CSNK1A1: variants seen among roughly 807,000 people sequenced by gnomAD.
CSNK1A1 encodes the protein casein kinase I isoform alpha.
In CSNK1A1, 7 loss-of-function variants were observed where a neutral mutation model predicts 46.1. That is an observed-to-expected ratio of 0.15 (90% confidence interval 0.09 to 0.29). CSNK1A1 has a LOEUF of 0.29. Ranked by LOEUF, CSNK1A1 falls within the 10% of genes least tolerant of loss-of-function variation. The pLI, the probability that CSNK1A1 is intolerant of heterozygous loss-of-function variation, is 1.00. For missense variants in CSNK1A1, 96 were observed against 417.1 expected, an observed-to-expected ratio of 0.23 and a Z score of 6.71; for synonymous variants, 137 against 141.5, an observed-to-expected ratio of 0.97 and a Z score of 0.23.
intron 2 of CSNK1A1, among the ~76,000 whole-genome samples, chr5:149,539,913 C>T (rs1286189467): frequency 2.0e-5 from 3 of 151,958 alleles, no homozygotes; most frequent in Admixed American, 2.0e-4. Context: ...TAAATGAGAC[C>T]GTATGCAATG....
At position 149,507,146 on chromosome 5, in the gene CSNK1A1, G is replaced by A; in HGVS notation, c.751-13C>T. 6.4e-7 allele frequency: 1 copy of A among 1,563,784 alleles called. No individual in the cohort carries two copies. On this transcript the variant is annotated splice_polypyrimidine_tract_variant and intron_variant, in intron 7 of 9. Coordinates refer to ENST00000377843, the MANE Select transcript of CSNK1A1 (RefSeq NM_001892.6). Reference sequence around the variant, plus strand: ...CTGCAGGAAACCCCTATAGGTTCAAGGGTTAAAACAAAGTTAAAAACAAAC... The same window carrying A: ...CTGCAGGAAACCCCTATAGGTTCAAAGGTTAAAACAAAGTTAAAAACAAAC...
chr5:149,543,478 GT>G (rs1762366801), intron 2 of CSNK1A1, among the ~76,000 whole-genome samples: 2 of 150,798 alleles, frequency 1.3e-5, no homozygotes, highest in African/African-American at 4.9e-5. Flanking sequence ...TGTGACGTAC[GT>G]TTTTCTGGTT....
intron 2 of CSNK1A1, among the ~76,000 whole-genome samples, chr5:149,526,913 G>A (rs1000771087): frequency 1.3e-5 from 2 of 152,126 alleles, no homozygotes; most frequent in African/African-American, 4.8e-5. Flanking sequence ...AAGCCAAAAA[G>A]TTCAGTTCCT....
chr5:149,496,887 A>AG (rs745857376), intron 9 of CSNK1A1, 27 bp from the exon 10 acceptor site: 2 of 1,536,996 alleles, frequency 1.3e-6, no homozygotes, highest in South Asian at 2.5e-5. Flanking sequence ...ACAAAAAAAA[A>AG]GTTAAAATTC....
In CSNK1A1 at chr5:149,550,577, T is replaced by TA. The variant is rs543869755; in HGVS notation, c.123+264dup. On this transcript the variant is annotated intron_variant, in intron 1 of 9. Coordinates refer to ENST00000377843, the MANE Select transcript of CSNK1A1 (RefSeq NM_001892.6). The surrounding 1 kb of genome is among the most constrained non-coding windows in gnomAD (Gnocchi z 4.3). ...TGCCGTTTCCACCTTAAAAGACGGT[T>TA]AAAAAAAAAAAAAGCTCGACTAAGG... Among the ~76,000 whole-genome samples the TA allele has an allele frequency of 0.014, 1,915 of 139,740 alleles. 23 individuals carry two copies. The highest frequency in any genetic ancestry group is 0.037 in the African/African-American group (1,426 of 38,128). The allele number at this position is 139,740 out of a possible 152,430, so 91.7% of individuals were successfully genotyped here.
In CSNK1A1 at chr5:149,551,062, G is replaced by T; in HGVS notation, c.-98C>A. The T allele has an allele frequency of 7.1e-7, 1 of 1,406,374 alleles. No individual in the cohort carries two copies. The highest frequency in any genetic ancestry group is 9.8e-7 in the Non-Finnish European group (1 of 1,023,130). 87.1% of individuals were successfully genotyped at this position (1,406,374 alleles called of 1,614,324 possible). ...CTACACTAGGCAAGGCTACGGAGGAGGGCGGCAGGAAACGGAACACGGAGG... is the reference window on the plus strand; with the variant it reads ...CTACACTAGGCAAGGCTACGGAGGATGGCGGCAGGAAACGGAACACGGAGG... On this transcript the variant is annotated 5_prime_UTR_variant, in exon 1 of 10. Coordinates refer to ENST00000377843, the MANE Select transcript of CSNK1A1 (RefSeq NM_001892.6).
chr5:149,540,812 G>A (rs1460548520), intron 2 of CSNK1A1, among the ~76,000 whole-genome samples: 3 of 152,114 alleles, frequency 2.0e-5, no homozygotes, highest in Non-Finnish European at 4.4e-5. Context: ...GGGTATGGTG[G>A]CTCACACCTG....
Position 149,550,237 on chromosome 5 carries a change from T to C in CSNK1A1, c.124-56A>G. On this transcript the variant is annotated intron_variant, in intron 1 of 9. Coordinates refer to ENST00000377843, the MANE Select transcript of CSNK1A1 (RefSeq NM_001892.6). The surrounding 1 kb of genome is among the most constrained non-coding windows in gnomAD (Gnocchi z 4.3). Reference sequence around the variant, plus strand: ...ACATCCCTACGGATTCAATGTCACTTAGGAAAGGAGGGAGACATTAGCAAA... The same window carrying C: ...ACATCCCTACGGATTCAATGTCACTCAGGAAAGGAGGGAGACATTAGCAAA... The C allele has an allele frequency of 6.3e-7, 1 of 1,592,468 alleles. No homozygotes were observed. The highest frequency in any genetic ancestry group is 1.1e-5 in the South Asian group (1 of 89,054).
At chr5:149,526,585 T>C (rs1305884655) in intron 2 of CSNK1A1, among the ~76,000 whole-genome samples, 1 of 152,192 alleles carries the variant, frequency 6.6e-6, no homozygotes, top group Non-Finnish European at 1.5e-5. Context: ...AAAATCAATA[T>C]TAAAACTAGA....
In CSNK1A1 at chr5:149,551,246, C is replaced by G. The variant is rs1762649683; in HGVS notation, c.-282G>C. 3.3e-6 allele frequency: 1 copy of G among 298,812 alleles called. No individual in the cohort carries two copies. The highest frequency in any genetic ancestry group is 4.7e-5 in the South Asian group (1 of 21,140). The allele number at this position is 298,812 out of a possible 1,614,324, so 18.5% of individuals were successfully genotyped here. A position where few individuals can be genotyped will look rare whatever the true frequency, so the allele number is the denominator to read the frequency against. ...GGCGGCCGCCGCTGCCTCGCTTGCG[C>G]GGCGACGTCGCGGGCTGGAAAAGGG... On this transcript the variant is annotated 5_prime_UTR_variant, in exon 1 of 10. Transcript: ENST00000377843.
intron 9 of CSNK1A1, among the ~76,000 whole-genome samples, chr5:149,499,971 T>C (rs1027353491): frequency 3.2e-4 from 36 of 113,646 alleles, no homozygotes; most frequent in Admixed American, 2.3e-3. Context: ...TTTTTTCTTT[T>C]TTTTTTTTTT....
chr5:149,532,863 G>C (rs1019810019), intron 2 of CSNK1A1, among the ~76,000 whole-genome samples: 1 of 152,102 alleles, frequency 6.6e-6, no homozygotes, highest in African/African-American at 2.4e-5. Flanking sequence ...TCTCATGGGG[G>C]GTGGATATGG....
At chr5:149,518,672 C>T (rs1561759462) in intron 4 of CSNK1A1, among the ~76,000 whole-genome samples, 1 of 151,914 alleles carries the variant, frequency 6.6e-6, no homozygotes, top group East Asian at 1.9e-4. Flanking sequence ...AGCAGCTCCA[C>T]AAAATTATTT....
chr5:149,518,213 C>G (rs1162267896), intron 4 of CSNK1A1, among the ~76,000 whole-genome samples: 1 of 151,834 alleles, frequency 6.6e-6, no homozygotes, highest in Non-Finnish European at 1.5e-5. Context: ...CTGCCCTTCC[C>G]CCCCAAAAAA....
intron 2 of CSNK1A1, among the ~76,000 whole-genome samples, chr5:149,529,294 T>TA (rs1447498825): frequency 2.6e-5 from 4 of 152,252 alleles, no homozygotes; most frequent in African/African-American, 4.8e-5. Flanking sequence ...ACTTACAGCA[T>TA]AAAAAAAGTA....
At chr5:149,504,912 T>C (rs1386605366) in intron 9 of CSNK1A1, 5 of 985,408 alleles carry the variant, frequency 5.1e-6, no homozygotes, top group South Asian at 4.7e-5. Context: ...ACTGAGAAGA[T>C]AGACACTTTG....
At position 149,550,488 on chromosome 5, in the gene CSNK1A1, C is replaced by T. The variant is rs960802292; in HGVS notation, c.124-307G>A. Reference sequence around the variant, plus strand: ...CGATCGGAAACTGTTCTAATTGGAACAAGAGGCCCAGTAGAATTAAGAATT... The same window carrying T: ...CGATCGGAAACTGTTCTAATTGGAATAAGAGGCCCAGTAGAATTAAGAATT... On this transcript the variant is annotated intron_variant, in intron 1 of 9. Coordinates refer to ENST00000377843, the MANE Select transcript of CSNK1A1 (RefSeq NM_001892.6). This position sits in a 1 kb window ranked among gnomAD's most constrained non-coding sequence, Gnocchi z 4.3. Among the ~76,000 whole-genome samples, 1 of 139,312 alleles carries T rather than the reference C, an allele frequency of 7.2e-6. No homozygotes were observed. The highest frequency in any genetic ancestry group is 7.6e-5 in the Admixed American group (1 of 13,154). The allele number at this position is 139,312 out of a possible 152,430, so 91.4% of individuals were successfully genotyped here.
intron 9 of CSNK1A1, chr5:149,499,080 C>T: frequency 1.0e-6 from 1 of 985,310 alleles, no homozygotes; most frequent in Non-Finnish European, 1.2e-6. Flanking sequence ...GTGAATTGTC[C>T]TAAGATGTTA....
chr5:149,535,302 G>T (rs1011917590), intron 2 of CSNK1A1, among the ~76,000 whole-genome samples: 1 of 152,088 alleles, frequency 6.6e-6, no homozygotes, highest in Non-Finnish European at 1.5e-5. Flanking sequence ...ATCTTGCTTA[G>T]ATCTAACCCC....
Sources: allele counts gnomAD v4.1 joint callset (sites outside exome capture counted in the v4.1 genomes callset), GRCh38; gene constraint gnomAD v4.1.1; non-coding constraint Gnocchi (gnomAD v3.1); transcripts MANE v1.5; gene names NCBI Gene and HGNC (gene_info 2026-07-23, HGNC 2026-07-21).